The following ADAMTS10 variants were observed in gnomAD, a reference collection of about 807,000 sequenced individuals.
ADAMTS10 encodes the protein ADAM metallopeptidase with thrombospondin type 1 motif 10.
A neutral mutation model predicts 135.9 loss-of-function variants in ADAMTS10; 48 were observed. The observed-to-expected ratio is 0.35, with a 90% CI of 0.28 to 0.45. The LOEUF (loss-of-function observed/expected upper bound fraction) is 0.45, where lower values mean the gene tolerates loss of function less well. Among genes scored for constraint, ADAMTS10 ranks in the 20% least tolerant of loss-of-function variants. ADAMTS10 has a pLI of 1.00. For missense variants in ADAMTS10, 1,131 were observed against 1,565.2 expected (o/e 0.72, Z 4.68); for synonymous variants, 621 against 647.5 (o/e 0.96, Z 0.62).
At chr19:8,597,948 C>T (rs575070920) in intron 6 of ADAMTS10, among the ~76,000 whole-genome samples, 13 of 151,090 alleles carry the variant, frequency 8.6e-5, no homozygotes, top group African/African-American at 2.2e-4. Flanking sequence ...GGATTACAGG[C>T]GTGAGCCACC....
chr19:8,592,636 C>T, intron 13 of ADAMTS10, 127 bp downstream of exon 13: 1 of 993,276 alleles, frequency 1.0e-6, no homozygotes, highest in Non-Finnish European at 1.5e-6. Context: ...CGAGGGAGCA[C>T]AAATGGCGGG....
chr19:8,605,557 T>C lies in ADAMTS10; in HGVS notation c.88+66A>G. On this transcript the variant is annotated intron_variant, in intron 3 of 25. Coordinates refer to ENST00000597188, the MANE Select transcript of ADAMTS10 (RefSeq NM_030957.4). The surrounding 1 kb of genome is among the most constrained non-coding windows in gnomAD (Gnocchi z 7.7). ...CCCAGCCCCCTGATGCCTCTTTCTGTTGGAGCCCAACTGGTCTCTTACATT... is the reference window on the plus strand; with the variant it reads ...CCCAGCCCCCTGATGCCTCTTTCTGCTGGAGCCCAACTGGTCTCTTACATT... The C allele has an allele frequency of 1.3e-6, 2 of 1,493,398 alleles. No homozygotes were observed. The highest frequency in any genetic ancestry group is 2.5e-5 in the East Asian group (1 of 40,328). 92.5% of individuals were successfully genotyped at this position (1,493,398 alleles called of 1,614,324 possible).
chr19:8,588,423 A>G (rs1410499843), intron 18 of ADAMTS10, among the ~76,000 whole-genome samples: 2 of 151,040 alleles, frequency 1.3e-5, no homozygotes, highest in African/African-American at 4.9e-5. Context: ...TTATTATAAA[A>G]CCCCAATGGG....
chr19:8,593,387 T>G, intron 12 of ADAMTS10: 1 of 165,962 alleles, frequency 6.0e-6, no homozygotes, highest in East Asian at 1.7e-4. Context: ...GGATGATGAC[T>G]AGGCCAACGG....
Position 8,596,046 on chromosome 19 carries a change from C to T in ADAMTS10, c.1337+27G>A, listed in dbSNP as rs1555740070. The T allele has an allele frequency of 6.2e-7, 1 of 1,614,096 alleles. No homozygotes were observed. Among genetic ancestry groups the T allele is most frequent in the Admixed American group, 1.7e-5 (1 of 60,028 alleles). On this transcript the variant is annotated intron_variant, in intron 11 of 25. Transcript: ENST00000597188. The surrounding 1 kb of genome is among the most constrained non-coding windows in gnomAD (Gnocchi z 7.2). ...TGCCCCACCATGAGTGTGACCCGCTCTGAGGGACACCCAGGTGCATCCTCA... is the reference window on the plus strand; with the variant it reads ...TGCCCCACCATGAGTGTGACCCGCTTTGAGGGACACCCAGGTGCATCCTCA...
chr19:8,595,263 T>C (rs2042588738), intron 12 of ADAMTS10, among the ~76,000 whole-genome samples: 1 of 151,984 alleles, frequency 6.6e-6, no homozygotes, highest in Admixed American at 6.6e-5. Context: ...GAATGGGGCT[T>C]TGGGAATCTA....
rs1321121463 is a variant in ADAMTS10, at chr19:8,586,975, G to T, written c.2159-79C>A. The stretch of plus-strand genomic sequence containing the variant: ...GCCTCCCCTGTCCCCGGCCCATGAG[G>T]ATAACAGCTAACTATTACTGCGCTA... On this transcript the variant is annotated intron_variant, in intron 18 of 25. Coordinates refer to ENST00000597188, the MANE Select transcript of ADAMTS10 (RefSeq NM_030957.4). 5 of 1,434,310 alleles carry T rather than the reference G, an allele frequency of 3.5e-6. No individual in the cohort carries two copies. In the African/African-American group the frequency reaches 5.6e-5, roughly 16 times the overall value. The allele number at this position is 1,434,310 out of a possible 1,614,324, so 88.8% of individuals were successfully genotyped here.
intron 1 of ADAMTS10, among the ~76,000 whole-genome samples, chr19:8,610,291 C>A (rs1555743259): frequency 6.6e-6 from 1 of 151,864 alleles, no homozygotes; most frequent in African/African-American, 2.4e-5. Flanking sequence ...CACACACTCG[C>A]CTCCAGATCT....
Position 8,601,091 on chromosome 19 carries a change from G to A in ADAMTS10, c.647C>T (p.Pro216Leu), listed in dbSNP as rs1555741481. 4 of 1,613,996 alleles carry A rather than the reference G, an allele frequency of 2.5e-6. No individual in the cohort carries two copies. The highest frequency in any genetic ancestry group is 3.4e-6 in the Non-Finnish European group (4 of 1,180,062). ...PWWLRTLKPP[P>L]ARPLGNETER... ...TGTTTCATTCCCCAGGGGCCTGGCA[G>A]GCGGTGGCTTCAAGGTCCGCAGCCA... Residue 216 changes from proline to leucine, a missense_variant, in exon 6 of 26, where the codon CCT becomes CTT. Physicochemically the swap from Pro to Leu is moderately conservative, Grantham distance 98. Coordinates refer to ENST00000597188, the MANE Select transcript of ADAMTS10 (RefSeq NM_030957.4). This position sits in a 1 kb window ranked among gnomAD's most constrained non-coding sequence, Gnocchi z 4.6.
At chr19:8,591,307 G>A (rs548037744) in intron 15 of ADAMTS10, among the ~76,000 whole-genome samples, 9 of 151,818 alleles carry the variant, frequency 5.9e-5, no homozygotes, top group African/African-American at 2.2e-4. Flanking sequence ...GCTGGAAGGA[G>A]CCAGGTCTTT....
intron 6 of ADAMTS10, among the ~76,000 whole-genome samples, chr19:8,600,157 G>A (rs1227326914): frequency 6.6e-6 from 1 of 152,138 alleles, no homozygotes; most frequent in Non-Finnish European, 1.5e-5. Flanking sequence ...GCCACCTACT[G>A]CATGCCAAGA....
chr19:8,588,029 G>T (rs556170697), intron 18 of ADAMTS10, among the ~76,000 whole-genome samples: 64 of 151,224 alleles, frequency 4.2e-4, no homozygotes, highest in Non-Finnish European at 8.3e-4. Context: ...TGGGTGGATC[G>T]CTTGAGGTCA....
At chr19:8,599,394 G>A (rs1415695236) in intron 6 of ADAMTS10, among the ~76,000 whole-genome samples, 2 of 151,928 alleles carry the variant, frequency 1.3e-5, no homozygotes, top group Non-Finnish European at 2.9e-5. Context: ...GCAATGGTGC[G>A]ATCTTGGCTC....
At chr19:8,587,792 G>A (rs1359800772) in intron 18 of ADAMTS10, among the ~76,000 whole-genome samples, 8 of 151,656 alleles carry the variant, frequency 5.3e-5, no homozygotes, top group Non-Finnish European at 1.2e-4. Context: ...TTAGCCAGGC[G>A]TGGTGGCGGG....
At chr19:8,586,090 C>T (rs782210820) in intron 22 of ADAMTS10, 32 bp downstream of exon 22, 10 of 1,612,014 alleles carry the variant, frequency 6.2e-6, no homozygotes, top group South Asian at 1.1e-5. Context: ...CTCCTCTCAC[C>T]CTGAGCAACA....
intron 18 of ADAMTS10, 112 bp from the exon 19 acceptor site, chr19:8,587,008 A>G: frequency 9.1e-7 from 1 of 1,097,954 alleles, no homozygotes; most frequent in Non-Finnish European, 1.4e-6. Flanking sequence ...CTAAACACAC[A>G]TCTAACTGCA....
intron 12 of ADAMTS10, 103 bp downstream of exon 12, chr19:8,595,659 C>T: frequency 6.4e-7 from 1 of 1,551,730 alleles, no homozygotes; most frequent in Non-Finnish European, 8.8e-7. Context: ...TCCCGGTTCT[C>T]CCACCCCCTC....
intron 6 of ADAMTS10, among the ~76,000 whole-genome samples, chr19:8,599,825 C>G (rs2146089316): frequency 6.6e-6 from 1 of 151,736 alleles, no homozygotes; most frequent in Non-Finnish European, 1.5e-5. Flanking sequence ...TCCCAGGCTG[C>G]TGTGTACTTA....
At chr19:8,597,175 G>A (rs782761908) in intron 7 of ADAMTS10, 43 bp from the exon 8 acceptor site, 1 of 1,614,156 alleles carries the variant, frequency 6.2e-7, no homozygotes, top group Non-Finnish European at 8.5e-7. Flanking sequence ...CCACCACCCA[G>A]GGGACGGCAG....
Sources: allele counts gnomAD v4.1 joint callset (sites outside exome capture counted in the v4.1 genomes callset), GRCh38; gene constraint gnomAD v4.1.1; non-coding constraint Gnocchi (gnomAD v3.1); transcripts MANE v1.5; gene names NCBI Gene and HGNC (gene_info 2026-07-23, HGNC 2026-07-21).